HMCN2: variants seen among roughly 807,000 people sequenced by gnomAD.
The protein encoded by HMCN2 is hemicentin-2.
Under a neutral mutation model 377.5 loss-of-function variants are expected in HMCN2, and 325 were observed. The observed-to-expected ratio is 0.86, with a 90% CI of 0.79 to 0.94. The LOEUF is 0.94. HMCN2 is among the 40% of genes least tolerant of loss of function. The pLI is 0.00. For synonymous variants in HMCN2, 2,007 were observed against 2,046.8 expected (o/e 0.98, Z 0.53); for missense variants, 4,543 against 4,725.3 (o/e 0.96, Z 1.13).
In HMCN2 at chr9:130,408,914, T is replaced by C. The variant is rs1383867132; in HGVS notation, c.12860T>C (p.Leu4287Pro). The C allele has an allele frequency of 1.6e-6, 2 of 1,289,608 alleles. No individual in the cohort carries two copies. The highest frequency in any genetic ancestry group is 1.1e-4 in the East Asian group (2 of 18,018). 79.9% of individuals were successfully genotyped at this position (1,289,608 alleles called of 1,614,324 possible). ...HLRHQLQNGS[L>P]TIRRTERDDA... ...CGGCACCAGCTGCAGAATGGCTCGC[T>C]GACCATCCGCAGGACTGAGGCAAGG... is the stretch of plus-strand genomic sequence containing the variant. The change falls in exon 84 of 98, where the codon CTG becomes CCG. Residue 4287 changes from leucine to proline, a missense_variant. By Grantham distance (98) the Leu-to-Pro change is moderately conservative. Coordinates refer to ENST00000683500, the MANE Select transcript of HMCN2 (RefSeq NM_001291815.2).
intron 14 of HMCN2, among the ~76,000 whole-genome samples, chr9:130,309,362 A>G (rs1442499138): frequency 2.6e-5 from 4 of 151,854 alleles, no homozygotes; most frequent in Admixed American, 6.6e-5. Flanking sequence ...AAAAATATAA[A>G]AAATTAGCTG....
At chr9:130,406,249 A>T (rs918099433) in intron 82 of HMCN2, 81 bp downstream of exon 82, 1 of 1,158,588 alleles carries the variant, frequency 8.6e-7, no homozygotes, top group Non-Finnish European at 1.1e-6. Context: ...GGGAGACCCA[A>T]CCTAGTGGAA....
chr9:130,292,215 G>A (rs1258258627), intron 4 of HMCN2, among the ~76,000 whole-genome samples: 1 of 152,170 alleles, frequency 6.6e-6, no homozygotes, highest in African/African-American at 2.4e-5. Context: ...CTGGGTGAGG[G>A]TGGCGACAGC....
intron 94 of HMCN2, 133 bp downstream of exon 94, chr9:130,429,818 G>A: frequency 1.4e-6 from 2 of 1,417,314 alleles, no homozygotes; most frequent in Non-Finnish European, 1.9e-6. Flanking sequence ...AGGGGCTGAG[G>A]GTGTCTAAGG....
At chr9:130,339,094 G>A (rs997953356) in intron 23 of HMCN2, among the ~76,000 whole-genome samples, 1 of 152,152 alleles carries the variant, frequency 6.6e-6, no homozygotes, top group Non-Finnish European at 1.5e-5. Context: ...AGGCTGAGGT[G>A]GGAAGATAGC....
intron 8 of HMCN2, among the ~76,000 whole-genome samples, chr9:130,299,528 C>T (rs1168811496): frequency 1.1e-4 from 17 of 150,008 alleles, no homozygotes; most frequent in Non-Finnish European, 1.3e-4. Context: ...TCCATCTACC[C>T]ATTCATCCAT....
chr9:130,353,242 G>A (rs1454749834), intron 31 of HMCN2, 37 bp downstream of exon 31: 4 of 1,294,784 alleles, frequency 3.1e-6, no homozygotes, highest in African/African-American at 1.5e-5. Flanking sequence ...GGGGTGGGCA[G>A]TGGGAGGGAC....
chr9:130,394,672 C>A lies in HMCN2; in HGVS notation c.10692+97C>A. The A allele has an allele frequency of 1.0e-6, 1 of 955,186 alleles. No homozygotes were observed. Among genetic ancestry groups the A allele is most frequent in the Non-Finnish European group, 1.4e-6 (1 of 716,604 alleles). The allele number at this position is 955,186 out of a possible 1,614,324, so 59.2% of individuals were successfully genotyped here. On this transcript the variant is annotated intron_variant, in intron 69 of 97. Coordinates refer to ENST00000683500, the MANE Select transcript of HMCN2 (RefSeq NM_001291815.2). The surrounding 1 kb of genome is among the most constrained non-coding windows in gnomAD (Gnocchi z 5.1). ...CCAGTGGGCAGTTGACAAAGTTGGG[C>A]TGAAGCACCTCCTCTGTGTGGGGTG...
At chr9:130,383,382 T>G in intron 56 of HMCN2, 122 bp from the exon 57 acceptor site, 29 of 272,126 alleles carry the variant, frequency 1.1e-4, no homozygotes, top group Non-Finnish European at 1.5e-4. Flanking sequence ...CAGGTCTCCA[T>G]GAGCTGCCTG....
chr9:130,410,411 A>C, intron 84 of HMCN2, 160 bp from the exon 85 acceptor site: 1 of 600,916 alleles, frequency 1.7e-6, no homozygotes, highest in Non-Finnish European at 3.0e-6. Flanking sequence ...ACAAGTGGTC[A>C]CAGAGGCCCT....
rs1156876691 is a variant in HMCN2, at chr9:130,384,586, T to C, written c.8992+52T>C. On this transcript the variant is annotated intron_variant, in intron 58 of 97. Coordinates refer to ENST00000683500, the MANE Select transcript of HMCN2 (RefSeq NM_001291815.2). The stretch of plus-strand genomic sequence containing the variant: ...GCTCTAAGGTTACATGGGGAGAGAG[T>C]TGCTCCCCCGACCTGGGACAGGGCC... 3.1e-6 allele frequency: 4 copies of C among 1,301,918 alleles called. 1 individual carries two copies. The Admixed American group carries it at 6.9e-5, about 22-fold the overall frequency. 80.6% of individuals were successfully genotyped at this position (1,301,918 alleles called of 1,614,324 possible). A position where few individuals can be genotyped will look rare whatever the true frequency, so the allele number is the denominator to read the frequency against.
In HMCN2 at chr9:130,393,114, T is replaced by C; in HGVS notation, c.10137-98T>C. On this transcript the variant is annotated intron_variant, in intron 66 of 97. Coordinates refer to ENST00000683500, the MANE Select transcript of HMCN2 (RefSeq NM_001291815.2). This position sits in a 1 kb window ranked among gnomAD's most constrained non-coding sequence, Gnocchi z 5.2. ...AAAGGTTGGAAAAGGGAGGAAGTCT[T>C]TCCACGCAGCCAGCCTCTCCTGTCT... is the stretch of plus-strand genomic sequence containing the variant. The C allele has an allele frequency of 2.5e-6, 2 of 796,630 alleles. No individual in the cohort carries two copies. Among genetic ancestry groups the C allele is most frequent in the Non-Finnish European group, 3.0e-6 (2 of 656,010 alleles). The allele number at this position is 796,630 out of a possible 1,614,324, so 49.3% of individuals were successfully genotyped here.
chr9:130,404,378 A>C (rs1842989012), intron 80 of HMCN2, among the ~76,000 whole-genome samples: 1 of 152,188 alleles, frequency 6.6e-6, no homozygotes, highest in South Asian at 2.1e-4. Flanking sequence ...TCCTGGCTCC[A>C]GGATTCCTCC....
intron 4 of HMCN2, among the ~76,000 whole-genome samples, chr9:130,289,333 C>T (rs1442048420): frequency 6.6e-6 from 1 of 151,444 alleles, no homozygotes; most frequent in Admixed American, 6.6e-5. Flanking sequence ...TAAGGGCGGG[C>T]GGAAGATGGG....
intron 22 of HMCN2, among the ~76,000 whole-genome samples, chr9:130,330,968 AACACACACACACACACACAC>A (rs1173053980): frequency 5.3e-5 from 7 of 131,510 alleles, no homozygotes; most frequent in South Asian, 2.7e-4. Context: ...TCTCTACTGA[AACACACACACACACACACAC>A]ACACACACAC....
intron 60 of HMCN2, 146 bp downstream of exon 60, chr9:130,385,908 T>C (rs541387469): frequency 7.5e-5 from 34 of 454,318 alleles, no homozygotes; most frequent in African/African-American, 6.1e-4. Context: ...GATTAGCAGC[T>C]TCCAGGGTGG....
intron 66 of HMCN2, among the ~76,000 whole-genome samples, chr9:130,392,730 G>A (rs1167900884): frequency 6.9e-6 from 1 of 145,090 alleles, no homozygotes; most frequent in South Asian, 2.1e-4. Flanking sequence ...GGGTGCGGTG[G>A]CTCACGCCTG....
At chr9:130,273,036 G>A (rs1359774406) in intron 1 of HMCN2, among the ~76,000 whole-genome samples, 1 of 151,912 alleles carries the variant, frequency 6.6e-6, no homozygotes, top group Non-Finnish European at 1.5e-5. Flanking sequence ...AAACTCTATT[G>A]TTCTCATCCA....
chr9:130,430,227 C>A, intron 94 of HMCN2, 57 bp from the exon 95 acceptor site: 1 of 1,379,504 alleles, frequency 7.2e-7, no homozygotes, highest in Non-Finnish European at 9.7e-7. Context: ...GCAATGGCTG[C>A]AGGCTGCAGG....
Sources: gnomAD v4.1 joint callset for allele counts (sites outside exome capture counted in the v4.1 genomes callset) on GRCh38, gnomAD v4.1.1 for gene constraint, Gnocchi (gnomAD v3.1) non-coding constraint, MANE v1.5 for transcripts, NCBI Gene and HGNC (gene_info 2026-07-23, HGNC 2026-07-21) for gene names.